The following NPHP1 variants were observed in gnomAD, a reference collection of about 807,000 sequenced individuals.
The protein encoded by NPHP1 is nephrocystin-1.
Under a neutral mutation model 90.4 loss-of-function variants are expected in NPHP1, and 70 were observed. The ratio of observed to expected loss-of-function variants is 0.77; its 90% confidence interval spans 0.64 to 0.95. The LOEUF is 0.95. Among genes scored for constraint, NPHP1 ranks in the 40% least tolerant of loss-of-function variants. NPHP1 has a pLI of 0.00. For missense variants in NPHP1, 764 were observed against 795.9 expected (o/e 0.96, Z 0.48); for synonymous variants, 256 against 271.7 (o/e 0.94, Z 0.57).
chr2:110,168,688 T>C, intron 5 of NPHP1, 135 bp from the exon 6 acceptor site: 2 of 660,344 alleles, frequency 3.0e-6, no homozygotes, highest in Admixed American at 2.5e-5. Flanking sequence ...CTAAGGTTTA[T>C]CAAAAGCTTC....
chr2:110,196,640 T>C (rs1685187090), intron 2 of NPHP1, among the ~76,000 whole-genome samples: 2 of 152,160 alleles, frequency 1.3e-5, no homozygotes, highest in African/African-American at 4.8e-5. Flanking sequence ...TTGACCCAAC[T>C]GTCCCATTAC....
At chr2:110,136,410 A>AT (rs1680206222) in intron 16 of NPHP1, among the ~76,000 whole-genome samples, 1 of 152,148 alleles carries the variant, frequency 6.6e-6, no homozygotes. Flanking sequence ...ACATGATTGT[A>AT]TATCTAGAAA....
intron 1 of NPHP1, 35 bp downstream of exon 1, chr2:110,204,865 C>G: frequency 6.2e-7 from 1 of 1,609,738 alleles, no homozygotes. Context: ...CCGCCTGTCG[C>G]CCGCCCCAGG....
chr2:110,148,391 A>G (rs1681225209), intron 12 of NPHP1, among the ~76,000 whole-genome samples: 1 of 152,142 alleles, frequency 6.6e-6, no homozygotes, highest in South Asian at 2.1e-4. Context: ...CTTCCTGTAC[A>G]GTCTGCAGAA....
chr2:110,169,852 G>T lies in NPHP1; in HGVS notation c.476C>A (p.Ala159Asp). The T allele has an allele frequency of 6.2e-7, 1 of 1,613,666 alleles. No individual in the cohort carries two copies. Among genetic ancestry groups the T allele is most frequent in the Non-Finnish European group, 8.5e-7 (1 of 1,179,748 alleles). The change falls in exon 5 of 20, where the codon GCT (alanine) becomes GAT (aspartate). Residue 159 changes from alanine (A) to aspartate (D), a missense_variant. Coordinates refer to ENST00000445609, the MANE Select transcript of NPHP1 (RefSeq NM_001128178.3). The stretch of plus-strand genomic sequence containing the variant: ...TTGCTGAGCAGTAAAATCTCCAACA[G>T]CGATGTATTCTTCACCGGTTGACCA... ...HKWSTGEEYI[A>D]VGDFTAQQVG...
chr2:110,197,051 T>C (rs1574206647), intron 2 of NPHP1, among the ~76,000 whole-genome samples: 1 of 152,158 alleles, frequency 6.6e-6, no homozygotes, highest in South Asian at 2.1e-4. Context: ...ACTCCGCATG[T>C]TCTCACTTAT....
At chr2:110,145,262 A>T (rs552991787) in intron 14 of NPHP1, among the ~76,000 whole-genome samples, 48 of 152,256 alleles carry the variant, frequency 3.2e-4, no homozygotes, top group African/African-American at 1.1e-3. Flanking sequence ...TGCTCCTCAG[A>T]GGCAACTTCT....
Position 110,163,141 on chromosome 2 carries a change from G to T in NPHP1, c.772-6C>A. On this transcript the variant is annotated splice_region_variant and splice_polypyrimidine_tract_variant and intron_variant, in intron 8 of 19. Coordinates refer to ENST00000445609, the MANE Select transcript of NPHP1 (RefSeq NM_001128178.3). ...ACATCAACAGTGTTTATCTGCTGAA[G>T]ACAGTAACATCAAAATGGATTTGTT... is the stretch of plus-strand genomic sequence containing the variant. 6.3e-7 allele frequency: 1 copy of T among 1,592,416 alleles called. No homozygotes were observed. The highest frequency in any genetic ancestry group is 8.6e-7 in the Non-Finnish European group (1 of 1,160,114).
At position 110,146,639 on chromosome 2, in the gene NPHP1, G is replaced by A. The variant is rs953140998; in HGVS notation, c.1352+114C>T. 6.5e-6 allele frequency: 5 copies of A among 772,772 alleles called. No individual in the cohort carries two copies. The African/African-American group carries it at 6.9e-5, about 11-fold the overall frequency. 47.9% of individuals were successfully genotyped at this position (772,772 alleles called of 1,614,324 possible). A position where few individuals can be genotyped will look rare whatever the true frequency, so the allele number is the denominator to read the frequency against. On this transcript the variant is annotated intron_variant, in intron 14 of 19. Coordinates refer to ENST00000445609, the MANE Select transcript of NPHP1 (RefSeq NM_001128178.3). Reference sequence around the variant, plus strand: ...AACAACACTAAAGTCAACATAAAAAGTCCTCTCCCCAAAAGTTATTGGCAT... The same window carrying A: ...AACAACACTAAAGTCAACATAAAAAATCCTCTCCCCAAAAGTTATTGGCAT...
At chr2:110,181,938 G>A (rs1683935640) in intron 2 of NPHP1, among the ~76,000 whole-genome samples, 1 of 152,116 alleles carries the variant, frequency 6.6e-6, no homozygotes, top group South Asian at 2.1e-4. Context: ...ATTAAGAGAG[G>A]AACATAACTG....
At chr2:110,184,447 G>C in intron 2 of NPHP1, 4 of 702,218 alleles carry the variant, frequency 5.7e-6, no homozygotes, top group Non-Finnish European at 9.9e-6. Flanking sequence ...TTCTTCAAGA[G>C]CTTCAATGTG....
chr2:110,128,074 C>T (rs1679496076), intron 18 of NPHP1: 1 of 152,100 alleles, frequency 6.6e-6, no homozygotes, highest in African/African-American at 2.4e-5. Context: ...TTTTCTTAAA[C>T]ATCTCTGTTG....
intron 11 of NPHP1, among the ~76,000 whole-genome samples, chr2:110,159,578 A>G (rs189585982): frequency 2.2e-4 from 33 of 152,158 alleles, no homozygotes; most frequent in African/African-American, 6.0e-4. Context: ...GCTGTTTATA[A>G]TATCTCCTTA....
At chr2:110,173,958 T>G (rs1683340462) in intron 4 of NPHP1, among the ~76,000 whole-genome samples, 1 of 152,150 alleles carries the variant, frequency 6.6e-6, no homozygotes, top group South Asian at 2.1e-4. Flanking sequence ...CCCTTTCTTT[T>G]ATCATTATGA....
chr2:110,132,218 A>T (rs1679837559), intron 16 of NPHP1, among the ~76,000 whole-genome samples: 1 of 152,178 alleles, frequency 6.6e-6, no homozygotes, highest in Non-Finnish European at 1.5e-5. Context: ...GGTGTGACAG[A>T]CCTGGAATAA....
At chr2:110,201,310 CTA>C in intron 2 of NPHP1, 109 bp downstream of exon 2, 1 of 783,710 alleles carries the variant, frequency 1.3e-6, no homozygotes, top group Non-Finnish European at 2.2e-6. Context: ...ACTTACAACA[CTA>C]TGTGATTCTT....
chr2:110,154,774 T>A (rs1190064413), intron 11 of NPHP1, among the ~76,000 whole-genome samples: 1 of 152,084 alleles, frequency 6.6e-6, no homozygotes, highest in Non-Finnish European at 1.5e-5. Context: ...ACTCAAGACA[T>A]GACTTGGGTG....
chr2:110,165,906 C>CA (rs1235669631), intron 6 of NPHP1, among the ~76,000 whole-genome samples: 3 of 152,094 alleles, frequency 2.0e-5, no homozygotes, highest in African/African-American at 7.2e-5. Context: ...AAAAAGCACT[C>CA]ACACAAATAC....
chr2:110,178,546 G>A lies in NPHP1; in HGVS notation c.206C>T (p.Ala69Val). ...NKNALQKLSK[A>V]DESAPVANYN... The stretch of plus-strand genomic sequence containing the variant: ...GTTTGCAACAGGTGCAGATTCATCA[G>A]CCTATGAGAGAATATAGGTCTATTT... The change falls in exon 4 of 20, where the codon GCT becomes GTT. Residue 69 changes from alanine (A) to valine (V), a missense_variant and splice_region_variant. Transcript: ENST00000445609. The A allele has an allele frequency of 6.2e-7, 1 of 1,610,256 alleles. No individual in the cohort carries two copies. The highest frequency in any genetic ancestry group is 8.5e-7 in the Non-Finnish European group (1 of 1,178,866).
Sources: allele counts gnomAD v4.1 joint callset (sites outside exome capture counted in the v4.1 genomes callset), GRCh38; gene constraint gnomAD v4.1.1; transcripts MANE v1.5; gene names NCBI Gene and HGNC (gene_info 2026-07-23, HGNC 2026-07-21).